Variants in NRXN3 observed in about 807,000 individuals in gnomAD.
NRXN3 encodes the protein neurexin 3.
Under a neutral mutation model 137.6 loss-of-function variants are expected in NRXN3, and 32 were observed. The observed-to-expected ratio is 0.23, with a 90% confidence interval of 0.18 to 0.31. The LOEUF (loss-of-function observed/expected upper bound fraction) is 0.31. Among genes scored for constraint, NRXN3 ranks in the 10% least tolerant of loss-of-function variants. The pLI is 1.00. For missense variants in NRXN3, 1,574 were observed against 2,062.5 expected, an observed-to-expected ratio of 0.76 and a Z score of 4.59; for synonymous variants, 798 against 784.5, an observed-to-expected ratio of 1.02 and a Z score of -0.29.
At chr14:78,671,470 C>G (rs1056032666) in intron 6 of NRXN3, among the ~76,000 whole-genome samples, 2 of 152,130 alleles carry the variant, frequency 1.3e-5, no homozygotes, top group African/African-American at 4.8e-5. Flanking sequence ...GTACTATGCT[C>G]AGTATCTGGG....
chr14:79,206,472 A>G (rs2066806348), intron 15 of NRXN3, among the ~76,000 whole-genome samples: 1 of 152,178 alleles, frequency 6.6e-6, no homozygotes, highest in Non-Finnish European at 1.5e-5. Flanking sequence ...TCTTGACTAT[A>G]AAGAAAAACT....
chr14:78,448,647 G>A (rs2094479700), intron 4 of NRXN3, among the ~76,000 whole-genome samples: 1 of 152,206 alleles, frequency 6.6e-6, no homozygotes, highest in Non-Finnish European at 1.5e-5. Flanking sequence ...CAATATTCAG[G>A]TCTGCCAGAA....
chr14:79,530,267 T>A (rs1020596853), intron 16 of NRXN3, among the ~76,000 whole-genome samples: 1 of 152,092 alleles, frequency 6.6e-6, no homozygotes, highest in Non-Finnish European at 1.5e-5. Context: ...GTGCACATAG[T>A]CACATTTAAA....
chr14:79,824,405 T>TC (rs1555771879), intron 20 of NRXN3, among the ~76,000 whole-genome samples: 5 of 145,838 alleles, frequency 3.4e-5, no homozygotes, highest in East Asian at 2.0e-4. Context: ...TTTTGATGGT[T>TC]TTTTTTTCCA....
At chr14:78,420,223 A>C (rs1000700779) in intron 4 of NRXN3, among the ~76,000 whole-genome samples, 10 of 152,232 alleles carry the variant, frequency 6.6e-5, no homozygotes, top group Non-Finnish European at 1.3e-4. Context: ...ACTTTTTGAA[A>C]TTATAAAACC....
chr14:79,279,757 C>A (rs1410459860), intron 15 of NRXN3: 2 of 987,736 alleles, frequency 2.0e-6, no homozygotes, highest in African/African-American at 1.7e-5. Context: ...CCACCTGCAG[C>A]CCCCTTTTGC....
intron 15 of NRXN3, among the ~76,000 whole-genome samples, chr14:79,112,622 G>A (rs1027408562): frequency 4.6e-5 from 7 of 152,200 alleles, no homozygotes. Flanking sequence ...CAGAAGTGTT[G>A]TCTGCACATG....
chr14:79,812,113 A>T (rs1302991032), intron 20 of NRXN3, among the ~76,000 whole-genome samples: 1 of 152,126 alleles, frequency 6.6e-6, no homozygotes. Context: ...TTCATAACAA[A>T]TATATTTAAT....
intron 15 of NRXN3, among the ~76,000 whole-genome samples, chr14:79,376,702 T>C (rs1490664947): frequency 2.0e-5 from 3 of 152,160 alleles, no homozygotes. Flanking sequence ...ACATGACCCA[T>C]GTATTAGATA....
intron 4 of NRXN3, among the ~76,000 whole-genome samples, chr14:78,627,568 GCTTGGAGT>G (rs2097478602): frequency 6.6e-6 from 1 of 152,140 alleles, no homozygotes; most frequent in South Asian, 2.1e-4. Flanking sequence ...CATGCAGGAG[GCTTGGAGT>G]AAGGACTCAA....
chr14:79,773,342 G>A (rs1283404925), intron 19 of NRXN3, among the ~76,000 whole-genome samples: 8 of 152,002 alleles, frequency 5.3e-5, no homozygotes, highest in Non-Finnish European at 8.8e-5. Flanking sequence ...TGTTTATTGC[G>A]GCATTATTCA....
chr14:78,829,030 G>T (rs189683261), intron 10 of NRXN3, among the ~76,000 whole-genome samples: 21 of 152,260 alleles, frequency 1.4e-4, no homozygotes, highest in African/African-American at 5.1e-4. Flanking sequence ...TTGGGAAAGA[G>T]CATTCTGTGC....
intron 15 of NRXN3, chr14:79,074,789 A>C (rs2045695949): frequency 6.6e-6 from 1 of 152,206 alleles, no homozygotes; most frequent in Non-Finnish European, 1.5e-5. Context: ...TGACAGGCAA[A>C]CATATCTGAA....
rs563275901 is a variant in NRXN3 at position 79,773,453 on chromosome 14, A to G, written c.4015-31659A>G. Among the ~76,000 whole-genome samples, 330 of 152,244 alleles carry G rather than the reference A, an allele frequency of 2.2e-3. 1 individual carries two copies. Among genetic ancestry groups the G allele is most frequent in the African/African-American group, 7.6e-3 (314 of 41,534 alleles). ...CCATGGAATACTATGCAGCCATAAAAAAGGATGAGTTCATGTCCTTTGTAG... is the reference window on the plus strand; with the variant it reads ...CCATGGAATACTATGCAGCCATAAAGAAGGATGAGTTCATGTCCTTTGTAG... On this transcript the variant is annotated intron_variant, in intron 19 of 20. Transcript: ENST00000335750.
At chr14:78,915,596 A>G (rs2099253261) in intron 10 of NRXN3, among the ~76,000 whole-genome samples, 1 of 152,110 alleles carries the variant, frequency 6.6e-6, no homozygotes, top group African/African-American at 2.4e-5. Context: ...AGAAATAAAT[A>G]GCACTGTAAT....
At chr14:78,405,617 G>GGTT (rs2153659220) in intron 4 of NRXN3, among the ~76,000 whole-genome samples, 2 of 143,562 alleles carry the variant, frequency 1.4e-5, no homozygotes, top group Non-Finnish European at 3.1e-5. Context: ...AAGGGGCGGG[G>GGTT]GGGTTCCGGG....
chr14:78,866,908 C>T (rs148297171), intron 10 of NRXN3, among the ~76,000 whole-genome samples: 3,217 of 150,730 alleles, frequency 0.021, 124 homozygotes, highest in African/African-American at 0.075. Context: ...AGCGATTCTC[C>T]TGCTTCAGCC....
At chr14:79,191,788 G>A in intron 15 of NRXN3, among the ~76,000 whole-genome samples, 1 of 152,108 alleles carries the variant, frequency 6.6e-6, no homozygotes. Context: ...CTGCTGATTT[G>A]TTCATATTTA....
chr14:79,314,476 C>T (rs2087925821), intron 15 of NRXN3, among the ~76,000 whole-genome samples: 1 of 28,052 alleles, frequency 3.6e-5, no homozygotes, highest in Admixed American at 4.7e-4. Flanking sequence ...AAGGCGGCAA[C>T]GAGGCTGGGG....
Sources: allele counts gnomAD v4.1 joint callset (sites outside exome capture counted in the v4.1 genomes callset), GRCh38; gene constraint gnomAD v4.1.1; transcripts MANE v1.5; gene names NCBI Gene and HGNC (gene_info 2026-07-23, HGNC 2026-07-21).